The following XIRP2 variants were observed in gnomAD, a reference collection of about 807,000 sequenced individuals.
XIRP2 encodes the protein xin actin binding repeat containing 2, also known as xin actin-binding repeat-containing protein 2.
Under a neutral mutation model 277.0 loss-of-function variants are expected in XIRP2, and 236 were observed. That is an observed-to-expected ratio of 0.85 (90% confidence interval 0.77 to 0.95). The LOEUF (loss-of-function observed/expected upper bound fraction) is 0.95, where lower values mean the gene tolerates loss of function less well. XIRP2 is among the 40% of genes least tolerant of loss of function. The pLI is 0.00. For synonymous variants in XIRP2, 1,490 were observed against 1,416.5 expected (o/e 1.05, Z -1.17); for missense variants, 4,640 against 4,157.5 (o/e 1.12, Z -3.19).
chr2:167,174,241 T>G (rs984177761), intron 3 of XIRP2, among the ~76,000 whole-genome samples: 1 of 152,184 alleles, frequency 6.6e-6, no homozygotes, highest in African/African-American at 2.4e-5. Context: ...ATCTGTCTGG[T>G]CCTGGGCTTG....
At chr2:167,046,918 A>T (rs1459188980) in intron 2 of XIRP2, among the ~76,000 whole-genome samples, 1 of 151,916 alleles carries the variant, frequency 6.6e-6, no homozygotes, top group Non-Finnish European at 1.5e-5. Flanking sequence ...TACCCCTCGA[A>T]CATGAAATAA....
intron 2 of XIRP2, among the ~76,000 whole-genome samples, chr2:167,108,423 A>G (rs552667326): frequency 3.2e-4 from 48 of 152,146 alleles, no homozygotes; most frequent in Admixed American, 3.1e-3. Context: ...ATAGGACCAT[A>G]AGTTATTGAT....
chr2:167,143,236 T>C (rs1691772454), intron 3 of XIRP2, among the ~76,000 whole-genome samples: 1 of 152,030 alleles, frequency 6.6e-6, no homozygotes, highest in South Asian at 2.1e-4. Flanking sequence ...TAGCTTATAG[T>C]TTAAGAAAGG....
intron 2 of XIRP2, among the ~76,000 whole-genome samples, chr2:167,070,666 C>A (rs1689414928): frequency 1.3e-5 from 2 of 151,994 alleles, no homozygotes; most frequent in South Asian, 2.1e-4. Context: ...TTGTTCTTTT[C>A]TTTTATGAGT....
chr2:167,172,687 G>A (rs909203045), intron 3 of XIRP2, among the ~76,000 whole-genome samples: 2 of 152,324 alleles, frequency 1.3e-5, no homozygotes, highest in South Asian at 4.1e-4. Flanking sequence ...CTCTCAGGCA[G>A]CCAGACCTAA....
At position 167,007,701 on chromosome 2, in the gene XIRP2, TCTCA is replaced by T. The variant is rs1325100171; in HGVS notation, c.408+103813_408+103816del. 8.1e-3 allele frequency among the ~76,000 whole-genome samples: 935 copies of T among 115,206 alleles called. 9 individuals carry two copies. The highest frequency in any genetic ancestry group is 0.029 in the African/African-American group (817 of 28,108). The allele number at this position is 115,206 out of a possible 152,430, so 75.6% of individuals were successfully genotyped here. A position where few individuals can be genotyped will look rare whatever the true frequency, so the allele number is the denominator to read the frequency against. On this transcript the variant is annotated intron_variant, in intron 2 of 10. Coordinates refer to ENST00000409195, the MANE Select transcript of XIRP2 (RefSeq NM_152381.6). ...TACACTCTCTCTCTCTCTCTCTCTC[TCTCA>T]CACACACACACACACACACACACAC...
At chr2:167,047,547 G>A (rs1688814336) in intron 2 of XIRP2, among the ~76,000 whole-genome samples, 1 of 151,862 alleles carries the variant, frequency 6.6e-6, no homozygotes, top group Admixed American at 6.6e-5. Flanking sequence ...ATACAATTTT[G>A]AGGGCCAATA....
chr2:167,082,176 G>A (rs1400616792), intron 2 of XIRP2, among the ~76,000 whole-genome samples: 2 of 147,802 alleles, frequency 1.4e-5, no homozygotes, highest in Admixed American at 7.0e-5. Flanking sequence ...ATTCCCACCT[G>A]TGAGTGAGAA....
At chr2:166,940,965 T>C (rs542250267) in intron 2 of XIRP2, among the ~76,000 whole-genome samples, 74 of 152,284 alleles carry the variant, frequency 4.9e-4, no homozygotes, top group African/African-American at 1.6e-3. Flanking sequence ...CACTACTCTC[T>C]TCAAAGCTCT....
intron 2 of XIRP2, among the ~76,000 whole-genome samples, chr2:167,074,563 G>A (rs983380845): frequency 5.3e-5 from 8 of 152,068 alleles, no homozygotes; most frequent in African/African-American, 1.9e-4. Context: ...TGGTTTAGGA[G>A]ACAATGCATT....
chr2:167,158,400 A>G (rs1246090139), intron 3 of XIRP2, among the ~76,000 whole-genome samples: 1 of 152,224 alleles, frequency 6.6e-6, no homozygotes, highest in East Asian at 1.9e-4. Context: ...AATTTAATTC[A>G]CATGGACTTA....
intron 2 of XIRP2, among the ~76,000 whole-genome samples, chr2:167,086,974 C>A (rs6432970): frequency 2.0e-5 from 3 of 151,920 alleles, no homozygotes; most frequent in Non-Finnish European, 4.4e-5. Context: ...AGCTTTGTTC[C>A]GTTGCTGGTG....
At chr2:166,997,076 C>T (rs1687241564) in intron 2 of XIRP2, among the ~76,000 whole-genome samples, 1 of 152,156 alleles carries the variant, frequency 6.6e-6, no homozygotes, top group Non-Finnish European at 1.5e-5. Flanking sequence ...AGGACGTCTA[C>T]TGGACCTAAA....
chr2:167,229,170 A>T (rs1354763260), intron 5 of XIRP2, among the ~76,000 whole-genome samples: 1 of 152,136 alleles, frequency 6.6e-6, no homozygotes, highest in Non-Finnish European at 1.5e-5. Context: ...ATGGAATTTT[A>T]TATTTTCTTT....
At chr2:166,988,633 C>T (rs1381031198) in intron 2 of XIRP2, among the ~76,000 whole-genome samples, 3 of 124,086 alleles carry the variant, frequency 2.4e-5, no homozygotes, top group Non-Finnish European at 3.3e-5. Flanking sequence ...CGAAGCAGGG[C>T]GAGGCATTGC....
At chr2:167,176,414 G>A (rs972520881) in intron 3 of XIRP2, among the ~76,000 whole-genome samples, 3 of 152,138 alleles carry the variant, frequency 2.0e-5, no homozygotes, top group East Asian at 1.9e-4. Context: ...CATTGATCTC[G>A]CTGGAGCTGC....
intron 2 of XIRP2, among the ~76,000 whole-genome samples, chr2:166,971,373 A>G (rs1362366710): frequency 6.6e-6 from 1 of 152,028 alleles, no homozygotes; most frequent in East Asian, 1.9e-4. Flanking sequence ...ACTTTGAAGA[A>G]AGGAAAAAAA....
rs760086678 is a variant in XIRP2, at chr2:167,249,587, A to G, written c.8195A>G (p.His2732Arg). Residue 2732 changes from histidine (H) to arginine (R), a missense_variant, in exon 9 of 11, where the codon CAT (histidine) becomes CGT (arginine). Coordinates refer to ENST00000409195, the MANE Select transcript of XIRP2 (RefSeq NM_152381.6). The part of the protein sequence containing the change: ...LNETDHSYES[H>R]KQQSEIDVQT... The stretch of plus-strand genomic sequence containing the variant: ...GAAACAGACCACAGCTATGAAAGTC[A>G]TAAACAGCAATCTGAGATTGATGTT... 3 of 1,613,720 alleles carry G rather than the reference A, an allele frequency of 1.9e-6. No individual in the cohort carries two copies. The highest frequency in any genetic ancestry group is 3.3e-5 in the Admixed American group (2 of 59,960).
intron 2 of XIRP2, among the ~76,000 whole-genome samples, chr2:167,088,201 G>A (rs1043356511): frequency 3.3e-5 from 5 of 152,068 alleles, no homozygotes; most frequent in Non-Finnish European, 7.4e-5. Context: ...GACTTGGTCT[G>A]CAGCATTTTA....
Sources: gnomAD v4.1 joint callset for allele counts (sites outside exome capture counted in the v4.1 genomes callset) on GRCh38, gnomAD v4.1.1 for gene constraint, MANE v1.5 for transcripts, NCBI Gene and HGNC (gene_info 2026-07-23, HGNC 2026-07-21) for gene names.